The following CACNB4 variants were observed in gnomAD, a reference collection of about 807,000 sequenced individuals.
CACNB4 encodes calcium voltage-gated channel auxiliary subunit beta 4.
In CACNB4, 32 loss-of-function variants were observed where a neutral mutation model predicts 71.2. That is an observed-to-expected ratio of 0.45 (90% CI 0.34 to 0.60). The LOEUF (loss-of-function observed/expected upper bound fraction) is 0.60. Ranked by LOEUF, CACNB4 falls within the 20% of genes least tolerant of loss-of-function variation. CACNB4 has a pLI of 0.01. For synonymous variants in CACNB4, 231 were observed against 236.9 expected (o/e 0.97, Z 0.23); for missense variants, 464 against 647.9 (o/e 0.72, Z 3.08).
At chr2:151,907,016 C>T (rs1304669853) in intron 2 of CACNB4, among the ~76,000 whole-genome samples, 2 of 152,196 alleles carry the variant, frequency 1.3e-5, no homozygotes, top group Non-Finnish European at 2.9e-5. Context: ...GTTTATTCCC[C>T]ACTAGCTTGT....
intron 2 of CACNB4, among the ~76,000 whole-genome samples, chr2:152,049,316 CA>C (rs1384576282): frequency 6.6e-6 from 1 of 152,098 alleles, no homozygotes. Flanking sequence ...AGGTGCATGC[CA>C]CCAGTACTGG....
At chr2:151,996,774 T>C (rs1682067270) in intron 2 of CACNB4, among the ~76,000 whole-genome samples, 1 of 152,184 alleles carries the variant, frequency 6.6e-6, no homozygotes. Flanking sequence ...TCCTCCCTTT[T>C]GAATACCAGT....
intron 2 of CACNB4, among the ~76,000 whole-genome samples, chr2:152,032,724 G>C (rs893298016): frequency 1.3e-5 from 2 of 152,094 alleles, no homozygotes; most frequent in Non-Finnish European, 2.9e-5. Flanking sequence ...TCAGCACTTT[G>C]GGAGGTTGAG....
intron 2 of CACNB4, among the ~76,000 whole-genome samples, chr2:152,045,315 T>C (rs943882825): frequency 2.0e-5 from 3 of 152,194 alleles, no homozygotes; most frequent in Admixed American, 6.5e-5. Context: ...ATGTGGTATA[T>C]ACATACAACA....
intron 2 of CACNB4, among the ~76,000 whole-genome samples, chr2:151,907,452 C>G (rs938983708): frequency 6.6e-6 from 1 of 152,056 alleles, no homozygotes; most frequent in Non-Finnish European, 1.5e-5. Flanking sequence ...TACAGAGTTC[C>G]CATATACCCT....
At chr2:151,957,589 A>G (rs2099868649) in intron 2 of CACNB4, among the ~76,000 whole-genome samples, 1 of 152,222 alleles carries the variant, frequency 6.6e-6, no homozygotes, top group South Asian at 2.1e-4. Flanking sequence ...GTGCACTGTC[A>G]CAAACTCTCG....
chr2:152,059,744 T>C (rs1333938472), intron 2 of CACNB4, among the ~76,000 whole-genome samples: 6 of 152,224 alleles, frequency 3.9e-5, no homozygotes, highest in African/African-American at 1.2e-4. Flanking sequence ...TGTTTTGCAA[T>C]GTGAGGACAT....
At chr2:151,976,943 A>C (rs1372217823) in intron 2 of CACNB4, among the ~76,000 whole-genome samples, 1 of 152,176 alleles carries the variant, frequency 6.6e-6, no homozygotes. Flanking sequence ...GGTAGTGAAA[A>C]GCAACCAAGA....
chr2:151,910,300 A>C (rs192286951), intron 2 of CACNB4, among the ~76,000 whole-genome samples: 1 of 152,144 alleles, frequency 6.6e-6, no homozygotes, highest in Non-Finnish European at 1.5e-5. Context: ...AGATTGCAAC[A>C]ATTTTCTCCC....
At chr2:151,913,562 G>A (rs1300590519) in intron 2 of CACNB4, among the ~76,000 whole-genome samples, 2 of 151,910 alleles carry the variant, frequency 1.3e-5, no homozygotes, top group African/African-American at 2.4e-5. Context: ...TCAGGAGATC[G>A]AGACCATCCT....
chr2:151,977,780 G>A (rs2099874075), intron 2 of CACNB4, among the ~76,000 whole-genome samples: 1 of 152,222 alleles, frequency 6.6e-6, no homozygotes. Context: ...TAGCAGAACT[G>A]CAAGAACTCA....
At chr2:152,047,061 T>C (rs1288023763) in intron 2 of CACNB4, among the ~76,000 whole-genome samples, 1 of 152,140 alleles carries the variant, frequency 6.6e-6, no homozygotes, top group African/African-American at 2.4e-5. Context: ...TCTGGGTACC[T>C]AGCTAGCCAT....
chr2:151,917,834 C>CAAAAA (rs35688438), intron 2 of CACNB4, among the ~76,000 whole-genome samples: 5 of 116,180 alleles, frequency 4.3e-5, no homozygotes, highest in East Asian at 2.5e-4. Flanking sequence ...GACACTGTCT[C>CAAAAA]AAAAAAAAAA....
intron 2 of CACNB4, among the ~76,000 whole-genome samples, chr2:151,952,135 A>G (rs1042710018): frequency 1.3e-5 from 2 of 152,216 alleles, no homozygotes; most frequent in Non-Finnish European, 2.9e-5. Context: ...CACTATTCAC[A>G]TTATTTAATA....
chr2:151,986,425 G>A (rs992027712), intron 2 of CACNB4, among the ~76,000 whole-genome samples: 6 of 152,042 alleles, frequency 3.9e-5, no homozygotes, highest in Non-Finnish European at 5.9e-5. Flanking sequence ...ATTATTTACC[G>A]ATTTATGATG....
At chr2:151,943,660 C>G (rs2151638953) in intron 2 of CACNB4, among the ~76,000 whole-genome samples, 1 of 152,274 alleles carries the variant, frequency 6.6e-6, no homozygotes, top group South Asian at 2.1e-4. Context: ...GGGGTTCGTC[C>G]AGTTCTGGGT....
At position 151,835,426 on chromosome 2, in the gene CACNB4, T is replaced by C. The variant is rs2099834694; in HGVS notation, c.*3693A>G. The C allele has an allele frequency of 6.6e-6, 1 of 151,930 alleles. No individual in the cohort carries two copies. Among genetic ancestry groups the C allele is most frequent in the African/African-American group, 2.4e-5 (1 of 41,444 alleles). 9.4% of individuals were successfully genotyped at this position (151,930 alleles called of 1,614,324 possible). ...TAGTGATAATTTTGATCACTACTTA[T>C]TGACCAGTGTTTTTCCCTTTAAAGA... On this transcript the variant is annotated 3_prime_UTR_variant, in exon 14 of 14. Coordinates refer to ENST00000539935, the MANE Select transcript of CACNB4 (RefSeq NM_000726.5).
rs1235081148 is a variant in CACNB4, at chr2:151,839,183, T to C, written c.1499A>G (p.Tyr500Cys). Residue 500 changes from tyrosine to cysteine, a missense_variant, in exon 14 of 14, where the codon TAC (tyrosine) becomes TGC (cysteine). Physicochemically the swap from Tyr to Cys is radical, Grantham distance 194 (BLOSUM62 -2). Coordinates refer to ENST00000539935, the MANE Select transcript of CACNB4 (RefSeq NM_000726.5). The stretch of plus-strand genomic sequence containing the variant: ...TGATCCTCGGTTCCTATGGGGTTTG[T>C]AAGTGTCCTGGTATGAGTCAGGGTA... ...EDYPDSYQDT[Y>C]KPHRNRGSPG... is the part of the protein sequence containing the mutation. 2 of 1,613,732 alleles carry C rather than the reference T, an allele frequency of 1.2e-6. No individual in the cohort carries two copies. Among genetic ancestry groups the C allele is most frequent in the Admixed American group, 1.7e-5 (1 of 60,008 alleles).
At chr2:151,978,185 C>T (rs959732569) in intron 2 of CACNB4, among the ~76,000 whole-genome samples, 23 of 86 alleles carry the variant, frequency 0.27, no homozygotes, top group East Asian at 0.5. Flanking sequence ...TTCTCTGAGG[C>T]GGAGCTCAGC....
Sources: gnomAD v4.1 joint callset for allele counts (sites outside exome capture counted in the v4.1 genomes callset) on GRCh38, gnomAD v4.1.1 for gene constraint, MANE v1.5 for transcripts, NCBI Gene and HGNC (gene_info 2026-07-23, HGNC 2026-07-21) for gene names.